The following COMMD10 variants were observed in gnomAD, a reference collection of about 807,000 sequenced individuals.
The protein encoded by COMMD10 is COMM domain-containing protein 10.
In COMMD10, 33 loss-of-function variants were observed where a neutral mutation model predicts 28.9. The ratio of observed to expected loss-of-function variants is 1.14; its 90% CI spans 0.87 to 1.53. The LOEUF (loss-of-function observed/expected upper bound fraction) is 1.53, where lower values mean the gene tolerates loss of function less well. COMMD10 is among the 40% of genes most tolerant of loss of function. The pLI is 0.00. For missense variants in COMMD10, 310 were observed against 233.4 expected, an observed-to-expected ratio of 1.33 and a Z score of -2.14; for synonymous variants, 110 against 81.7, an observed-to-expected ratio of 1.35 and a Z score of -1.87.
intron 5 of COMMD10, among the ~76,000 whole-genome samples, chr5:116,135,758 A>T (rs1431118739): frequency 6.6e-6 from 1 of 152,208 alleles, no homozygotes; most frequent in Non-Finnish European, 1.5e-5. Context: ...GGGAAAAAAC[A>T]GTATATATTG....
In COMMD10 at chr5:116,254,445, A is replaced by G. The variant is rs553191560; in HGVS notation, c.511-37072A>G. Among the ~76,000 whole-genome samples the G allele has an allele frequency of 4.0e-5, 6 of 150,696 alleles. No individual in the cohort carries two copies. In the South Asian group the frequency reaches 1.0e-3, roughly 26 times the overall value. On this transcript the variant is annotated intron_variant, in intron 5 of 6. Transcript: ENST00000274458. Reference sequence around the variant, plus strand: ...CTCTTGTGGGCATTTAGTGCTATAAATTTCCCTCTACACACTGCTTTGAAT... The same window carrying G: ...CTCTTGTGGGCATTTAGTGCTATAAGTTTCCCTCTACACACTGCTTTGAAT...
intron 5 of COMMD10, among the ~76,000 whole-genome samples, chr5:116,261,319 T>C (rs1204970474): frequency 6.6e-6 from 1 of 151,714 alleles, no homozygotes; most frequent in Non-Finnish European, 1.5e-5. Flanking sequence ...GATGTGACCG[T>C]TGCTATTTGC....
rs116158706 is a variant in COMMD10, at chr5:116,095,090, T to A, written c.399+2390T>A. On this transcript the variant is annotated intron_variant, in intron 4 of 6. Coordinates refer to ENST00000274458, the MANE Select transcript of COMMD10 (RefSeq NM_016144.4). The stretch of plus-strand genomic sequence containing the variant: ...GGTACAAACATATAATCAGAAGTAA[T>A]AAGTTTAATGTTTGATAGTTTAGTA... Among the ~76,000 whole-genome samples, 393 of 152,228 alleles carry A rather than the reference T, an allele frequency of 2.6e-3. 3 individuals carry two copies. The highest frequency in any genetic ancestry group is 9.2e-3 in the African/African-American group (383 of 41,538).
chr5:116,241,579 C>T (rs1321237795), intron 5 of COMMD10, among the ~76,000 whole-genome samples: 1 of 128,938 alleles, frequency 7.8e-6, no homozygotes, highest in South Asian at 2.5e-4. Context: ...TTACACTCTG[C>T]TTTCTTATTT....
intron 5 of COMMD10, among the ~76,000 whole-genome samples, chr5:116,149,103 G>A (rs1262057355): frequency 6.7e-6 from 1 of 148,770 alleles, no homozygotes; most frequent in African/African-American, 2.5e-5. Context: ...AGAATATGCG[G>A]TGTTTGGTTT....
chr5:116,111,164 C>T (rs751684954), intron 4 of COMMD10, among the ~76,000 whole-genome samples: 178 of 152,034 alleles, frequency 1.2e-3, no homozygotes, highest in Non-Finnish European at 2.0e-3. Context: ...ATCTTCTTTC[C>T]TCTGGTTAGT....
At chr5:116,125,998 G>T (rs999126066) in intron 4 of COMMD10, among the ~76,000 whole-genome samples, 1 of 152,164 alleles carries the variant, frequency 6.6e-6, no homozygotes, top group Non-Finnish European at 1.5e-5. Context: ...TTCCCTGTTT[G>T]CAGATGAGAT....
At chr5:116,166,882 G>A (rs1035450085) in intron 5 of COMMD10, among the ~76,000 whole-genome samples, 3 of 152,060 alleles carry the variant, frequency 2.0e-5, no homozygotes, top group African/African-American at 7.2e-5. Context: ...AATCCATGAA[G>A]ATGAGGAAAA....
chr5:116,287,987 C>T (rs527834136), intron 5 of COMMD10, among the ~76,000 whole-genome samples: 7 of 151,720 alleles, frequency 4.6e-5, no homozygotes, highest in African/African-American at 1.7e-4. Flanking sequence ...TACAGTATTA[C>T]GTATTACTAT....
chr5:116,097,784 C>T (rs62384693), intron 4 of COMMD10, among the ~76,000 whole-genome samples: 16,046 of 151,894 alleles, frequency 0.11, 940 homozygotes, highest in African/African-American at 0.15. Context: ...GAGCAGGTGT[C>T]TTTCATGGCA....
chr5:116,223,438 A>G (rs1419953049), intron 5 of COMMD10, among the ~76,000 whole-genome samples: 3 of 152,188 alleles, frequency 2.0e-5, no homozygotes, highest in African/African-American at 7.2e-5. Context: ...GCTCCAAATT[A>G]GGTACTAGAA....
chr5:116,234,284 A>C (rs138810757), intron 5 of COMMD10, among the ~76,000 whole-genome samples: 2 of 152,318 alleles, frequency 1.3e-5, no homozygotes, highest in Non-Finnish European at 2.9e-5. Flanking sequence ...TTGGACACCT[A>C]TGTCAATCAA....
At chr5:116,218,281 C>A in intron 5 of COMMD10, 1 of 728,184 alleles carries the variant, frequency 1.4e-6, no homozygotes, top group Non-Finnish European at 2.6e-6. Flanking sequence ...CCCCTTCAGC[C>A]TTTCTCTTGG....
intron 5 of COMMD10, among the ~76,000 whole-genome samples, chr5:116,171,552 A>G (rs979474750): frequency 6.6e-6 from 1 of 152,206 alleles, no homozygotes; most frequent in African/African-American, 2.4e-5. Context: ...AGCACAATTT[A>G]CAATAGCAAA....
intron 5 of COMMD10, among the ~76,000 whole-genome samples, chr5:116,256,156 T>C (rs1750278333): frequency 6.6e-6 from 1 of 151,634 alleles, no homozygotes; most frequent in South Asian, 2.1e-4. Flanking sequence ...GTACCTGGCT[T>C]CTGAGTGGTT....
intron 5 of COMMD10, among the ~76,000 whole-genome samples, chr5:116,183,505 ATCC>A (rs905002949): frequency 1.3e-5 from 2 of 152,114 alleles, no homozygotes; most frequent in African/African-American, 4.8e-5. Flanking sequence ...AATAACCCAT[ATCC>A]TTATGAAAGT....
In COMMD10 at chr5:116,092,594, A is replaced by G. The variant is rs1453201072; in HGVS notation, c.293A>G (p.Asn98Ser). The G allele has an allele frequency of 6.2e-7, 1 of 1,611,332 alleles. No individual in the cohort carries two copies. Among genetic ancestry groups the G allele is most frequent in the Non-Finnish European group, 8.5e-7 (1 of 1,178,770 alleles). Reference protein sequence around the residue: ...KPAALQQQLENIHLRQDKAEA... With the variant: ...KPAALQQQLESIHLRQDKAEA... ...GCAGCTTTGCAGCAGCAATTAGAGA[A>G]CATTCATCTTAGACAAGACAAAGCT... The change falls in exon 4 of 7, where the codon AAC (asparagine) becomes AGC (serine). Residue 98 changes from asparagine (N) to serine (S), a missense_variant. Asn to Ser is a conservative substitution (Grantham distance 46). Transcript: ENST00000274458.
At chr5:116,283,674 A>T (rs1751136908) in intron 5 of COMMD10, among the ~76,000 whole-genome samples, 1 of 151,782 alleles carries the variant, frequency 6.6e-6, no homozygotes, top group Non-Finnish European at 1.5e-5. Context: ...GCCTCAAAAT[A>T]ACAACTTTTT....
intron 5 of COMMD10, among the ~76,000 whole-genome samples, chr5:116,165,385 A>T (rs1390644178): frequency 6.6e-6 from 1 of 152,192 alleles, no homozygotes; most frequent in Non-Finnish European, 1.5e-5. Context: ...CCACTCACAT[A>T]CATCTTATGT....
Sources: allele counts gnomAD v4.1 joint callset (sites outside exome capture counted in the v4.1 genomes callset), GRCh38; gene constraint gnomAD v4.1.1; transcripts MANE v1.5; gene names NCBI Gene and HGNC (gene_info 2026-07-23, HGNC 2026-07-21).